MZT1: variants seen among roughly 807,000 people sequenced by gnomAD.
The protein encoded by MZT1 is mitotic-spindle organizing protein 1.
A neutral mutation model predicts 8.5 loss-of-function variants in MZT1; 8 were observed. The observed-to-expected ratio is 0.94, with a 90% CI of 0.55 to 1.70. The LOEUF is 1.70. Ranked by LOEUF, MZT1 falls within the 40% of genes most tolerant of loss-of-function variation. The pLI is 0.00. For missense variants in MZT1, 93 were observed against 108.6 expected, an observed-to-expected ratio of 0.86 and a Z score of 0.64; for synonymous variants, 38 against 42.0, an observed-to-expected ratio of 0.90 and a Z score of 0.37.
intron 1 of MZT1, among the ~76,000 whole-genome samples, chr13:72,725,043 C>A (rs1413735485): frequency 6.9e-6 from 1 of 144,552 alleles, no homozygotes; most frequent in African/African-American, 2.6e-5. Flanking sequence ...TCCAGCCAGA[C>A]TCGGTCTCAA....
Position 72,710,200 on chromosome 13 carries a change from TAA to T in MZT1, c.*120_*121del. ...TAAAGCTATGGTTTTATAATTCTTT[TAA>T]AAAGTAAAATTTTTCTACACTGCTG... is the stretch of plus-strand genomic sequence containing the variant. On this transcript the variant is annotated 3_prime_UTR_variant, in exon 3 of 3. Transcript: ENST00000377818. 2 of 990,498 alleles carry T rather than the reference TAA, an allele frequency of 2.0e-6. No individual in the cohort carries two copies. The highest frequency in any genetic ancestry group is 3.0e-6 in the Non-Finnish European group (2 of 656,598). 61.4% of individuals were successfully genotyped at this position (990,498 alleles called of 1,614,324 possible).
At position 72,710,346 on chromosome 13, in the gene MZT1, C is replaced by A; in HGVS notation, c.226-1G>T. The A allele has an allele frequency of 1.2e-6, 2 of 1,613,008 alleles. No homozygotes were observed. On this transcript the variant is annotated splice_acceptor_variant, in intron 2 of 2. Coordinates refer to ENST00000377818, the MANE Select transcript of MZT1 (RefSeq NM_001071775.3). LOFTEE classifies it high-confidence loss of function. The stretch of plus-strand genomic sequence containing the variant: ...GTCAGCTTGTCATATTTTCAGCAGC[C>A]TAGAACAAGAAAGTAAGATTCATTA...
chr13:72,716,743 G>A (rs974255962), intron 2 of MZT1, among the ~76,000 whole-genome samples: 1 of 152,206 alleles, frequency 6.6e-6, no homozygotes, highest in African/African-American at 2.4e-5. Context: ...AAATCAGAAA[G>A]TCTGTGGAAG....
intron 2 of MZT1, among the ~76,000 whole-genome samples, chr13:72,717,277 C>T (rs1304066457): frequency 1.3e-5 from 2 of 151,920 alleles, no homozygotes; most frequent in Admixed American, 6.5e-5. Context: ...AAGTTCATTG[C>T]TTACATATTC....
intron 1 of MZT1, among the ~76,000 whole-genome samples, chr13:72,725,469 G>T (rs1177612423): frequency 6.6e-6 from 1 of 151,140 alleles, no homozygotes; most frequent in Non-Finnish European, 1.5e-5. Context: ...CAAGAGTTCT[G>T]CAATTCACAT....
At chr13:72,715,390 T>C (rs1345629254) in intron 2 of MZT1, among the ~76,000 whole-genome samples, 1 of 152,206 alleles carries the variant, frequency 6.6e-6, no homozygotes, top group Non-Finnish European at 1.5e-5. Flanking sequence ...TTGCCTTGTC[T>C]CAGAACTTTG....
intron 2 of MZT1, 129 bp from the exon 3 acceptor site, chr13:72,710,474 C>T (rs1478900237): frequency 1.3e-6 from 1 of 779,138 alleles, no homozygotes; most frequent in Non-Finnish European, 2.2e-6. Context: ...ACTTTTATCA[C>T]AGTAATGCAG....
chr13:72,710,292 G>A lies in MZT1; in HGVS notation c.*30C>T. The A allele has an allele frequency of 6.2e-7, 1 of 1,611,102 alleles. No individual in the cohort carries two copies. The highest frequency in any genetic ancestry group is 8.5e-7 in the Non-Finnish European group (1 of 1,177,586). On this transcript the variant is annotated 3_prime_UTR_variant, in exon 3 of 3. Transcript: ENST00000377818. ...ATCTTCAAACCCTCTTGCAGAGCTT[G>A]ACATATCTCATCAGAATTTCTCCAG...
rs1296310415 is a variant in MZT1 at position 72,727,596 on chromosome 13, T to C, written c.7A>G (p.Ser3Gly). 6.3e-7 allele frequency: 1 copy of C among 1,599,634 alleles called. No individual in the cohort carries two copies. Among genetic ancestry groups the C allele is most frequent in the Non-Finnish European group, 8.5e-7 (1 of 1,172,942 alleles). Residue 3 changes from serine to glycine, a missense_variant, in exon 1 of 3, where the codon AGT (serine) becomes GGT (glycine). Physicochemically the swap from Ser to Gly is moderately conservative, Grantham distance 56 (BLOSUM62 0). Transcript: ENST00000377818. ...GCCGCCGCCCCAGCACCGCTGCTAC[T>C]CGCCATGGCTAAGGCCGAGGGAGGC... Reference protein sequence around the residue: MASSSGAGAAAAA... With the variant: MAGSSGAGAAAAA...
chr13:72,724,752 A>G (rs71427604), intron 1 of MZT1, among the ~76,000 whole-genome samples: 24,881 of 56,818 alleles, frequency 0.44, 10,029 homozygotes, highest in East Asian at 0.64. Context: ...ACATATATAT[A>G]TGTAAAGTGG....
rs568232835 is a variant in MZT1, at chr13:72,727,324, G to A, written c.79+200C>T. On this transcript the variant is annotated intron_variant, in intron 1 of 2. Coordinates refer to ENST00000377818, the MANE Select transcript of MZT1 (RefSeq NM_001071775.3). ...AGGGGCCGCAACGCCTAGCGCGCGCGACAAACTACGCAGCGGCGGAGACAA... is the reference window on the plus strand; with the variant it reads ...AGGGGCCGCAACGCCTAGCGCGCGCAACAAACTACGCAGCGGCGGAGACAA... 1.5e-3 allele frequency among the ~76,000 whole-genome samples: 233 copies of A among 152,352 alleles called. 2 individuals carry two copies. Among genetic ancestry groups the A allele is most frequent in the African/African-American group, 5.1e-3 (212 of 41,588 alleles).
At chr13:72,712,743 A>G (rs982875401) in intron 2 of MZT1, among the ~76,000 whole-genome samples, 3 of 152,196 alleles carry the variant, frequency 2.0e-5, no homozygotes, top group Non-Finnish European at 4.4e-5. Flanking sequence ...GCTATGCCAA[A>G]GCACTTGTCA....
Position 72,719,595 on chromosome 13 carries a change from A to T in MZT1, c.80-498T>A, listed in dbSNP as rs181706744. Among the ~76,000 whole-genome samples, 105 of 152,330 alleles carry T rather than the reference A, an allele frequency of 6.9e-4. 1 individual carries two copies. Among genetic ancestry groups the T allele is most frequent in the African/African-American group, 2.4e-3 (101 of 41,582 alleles). ...TAAATTTCTAGAAGTAGAACTGCTCAGTCAGTAATATACATATTTAATTTG... is the reference window on the plus strand; with the variant it reads ...TAAATTTCTAGAAGTAGAACTGCTCTGTCAGTAATATACATATTTAATTTG... On this transcript the variant is annotated intron_variant, in intron 1 of 2. Coordinates refer to ENST00000377818, the MANE Select transcript of MZT1 (RefSeq NM_001071775.3).
intron 1 of MZT1, among the ~76,000 whole-genome samples, chr13:72,726,312 T>A (rs921534096): frequency 1.3e-5 from 2 of 152,014 alleles, no homozygotes; most frequent in African/African-American, 4.8e-5. Flanking sequence ...GCACCTGTAA[T>A]CCCAGCTACT....
chr13:72,712,550 C>T (rs1262596434), intron 2 of MZT1, among the ~76,000 whole-genome samples: 2 of 152,154 alleles, frequency 1.3e-5, no homozygotes, highest in African/African-American at 4.8e-5. Flanking sequence ...GACAGATTTT[C>T]CATTCAAATA....
intron 1 of MZT1, among the ~76,000 whole-genome samples, chr13:72,723,513 G>T (rs544903365): frequency 6.6e-6 from 1 of 152,216 alleles, no homozygotes; most frequent in African/African-American, 2.4e-5. Flanking sequence ...AGTTCATTCA[G>T]CATCCCTGAG....
intron 1 of MZT1, among the ~76,000 whole-genome samples, chr13:72,722,412 GAGTTCCCTGTTACTA>G (rs1158731859): frequency 6.6e-6 from 1 of 152,186 alleles, no homozygotes; most frequent in Non-Finnish European, 1.5e-5. Context: ...CAATAAAAAA[GAGTTCCCTGTTACTA>G]CCACTTTCCC....
chr13:72,725,906 CAT>C (rs1003420575), intron 1 of MZT1, among the ~76,000 whole-genome samples: 2 of 151,990 alleles, frequency 1.3e-5, no homozygotes, highest in African/African-American at 2.4e-5. Context: ...TATACACACA[CAT>C]ATATATATTC....
chr13:72,708,465 A>T lies in MZT1; in HGVS notation c.*1857T>A, dbSNP rs1320438675. ...TTTCTTAAATATTACTTAAGTATGC[A>T]TTAAAAATATGTTTACATTTTAAAA... On this transcript the variant is annotated 3_prime_UTR_variant, in exon 3 of 3. Transcript: ENST00000377818. The T allele has an allele frequency of 1.3e-5, 2 of 152,648 alleles. No individual in the cohort carries two copies. The highest frequency in any genetic ancestry group is 2.9e-5 in the Non-Finnish European group (2 of 68,038). The allele number at this position is 152,648 out of a possible 1,614,324, so 9.5% of individuals were successfully genotyped here. A position where few individuals can be genotyped will look rare whatever the true frequency, so the allele number is the denominator to read the frequency against.
Sources: allele counts gnomAD v4.1 joint callset (sites outside exome capture counted in the v4.1 genomes callset), GRCh38; gene constraint gnomAD v4.1.1; transcripts MANE v1.5; gene names NCBI Gene and HGNC (gene_info 2026-07-23, HGNC 2026-07-21).